Variants in PAX7 observed in about 807,000 individuals in gnomAD.
PAX7 encodes paired box protein Pax-7.
In PAX7, 18 loss-of-function variants were observed where a neutral mutation model predicts 50.7. That is an observed-to-expected ratio of 0.36 (90% confidence interval 0.25 to 0.53). The LOEUF (loss-of-function observed/expected upper bound fraction) is 0.53, where lower values mean the gene tolerates loss of function less well. Ranked by LOEUF, PAX7 falls within the 20% of genes least tolerant of loss-of-function variation. The pLI, the probability that PAX7 is intolerant of heterozygous loss-of-function variation, is 0.93. For synonymous variants in PAX7, 310 were observed against 290.4 expected (o/e 1.07, Z -0.69); for missense variants, 644 against 702.9 (o/e 0.92, Z 0.95).
chr1:18,691,171 T>G lies in PAX7; in HGVS notation c.587-583T>G, dbSNP rs147246187. 2.4e-3 allele frequency among the ~76,000 whole-genome samples: 366 copies of G among 152,280 alleles called. 3 individuals are homozygous for G. The South Asian group carries it at 0.03, about 12-fold the overall frequency. On this transcript the variant is annotated intron_variant, in intron 4 of 8. Coordinates refer to ENST00000420770, the MANE Select transcript of PAX7 (RefSeq NM_001135254.2). ...TTTCTTACTTTTTTCTGGAGGTTGGTTCTTACTGTGTTGTCCAGGCTGGTC... is the reference window on the plus strand; with the variant it reads ...TTTCTTACTTTTTTCTGGAGGTTGGGTCTTACTGTGTTGTCCAGGCTGGTC...
chr1:18,708,284 C>T (rs542216060), intron 7 of PAX7, among the ~76,000 whole-genome samples: 2 of 152,078 alleles, frequency 1.3e-5, no homozygotes, highest in South Asian at 2.1e-4. Context: ...GGTGGGGTGC[C>T]GTGGCTCACA....
At chr1:18,681,571 C>T (rs1447781908) in intron 4 of PAX7, among the ~76,000 whole-genome samples, 1 of 152,130 alleles carries the variant, frequency 6.6e-6, no homozygotes, top group African/African-American at 2.4e-5. Context: ...ATACACAGTG[C>T]CCTCTAGTGT....
chr1:18,740,932 G>T (rs1931096299), intron 8 of PAX7, among the ~76,000 whole-genome samples: 1 of 152,162 alleles, frequency 6.6e-6, no homozygotes, highest in African/African-American at 2.4e-5. Flanking sequence ...ATATATGGGA[G>T]CTAAGAAGGT....
chr1:18,719,695 G>A (rs987287808), intron 7 of PAX7, among the ~76,000 whole-genome samples: 15 of 152,192 alleles, frequency 9.9e-5, no homozygotes, highest in African/African-American at 1.9e-4. Flanking sequence ...GACCTCTGCT[G>A]GCCCTGGAAC....
chr1:18,655,308 G>A (rs967211209), intron 4 of PAX7, among the ~76,000 whole-genome samples: 13 of 152,164 alleles, frequency 8.5e-5, no homozygotes, highest in Non-Finnish European at 1.6e-4. Flanking sequence ...CGTCCCCTCC[G>A]TAGATGAAGC....
intron 4 of PAX7, among the ~76,000 whole-genome samples, chr1:18,658,412 G>T (rs1048376367): frequency 2.0e-5 from 3 of 152,162 alleles, no homozygotes; most frequent in Non-Finnish European, 2.9e-5. Flanking sequence ...CCCCGTTTCC[G>T]AACACTTACT....
At chr1:18,641,841 C>G (rs189892930) in intron 4 of PAX7, among the ~76,000 whole-genome samples, 1 of 152,104 alleles carries the variant, frequency 6.6e-6, no homozygotes, top group South Asian at 2.1e-4. Flanking sequence ...GCGCTGCTCT[C>G]GGAGCTATTT....
intron 4 of PAX7, among the ~76,000 whole-genome samples, chr1:18,663,718 A>G (rs2236836): frequency 0.59 from 90,037 of 152,154 alleles, 27,790 homozygotes; most frequent in African/African-American, 0.76. Context: ...CTGACTCTCA[A>G]TCCTCTAGGA....
chr1:18,679,215 C>T (rs2088864028), intron 4 of PAX7, among the ~76,000 whole-genome samples: 1 of 152,160 alleles, frequency 6.6e-6, no homozygotes, highest in South Asian at 2.1e-4. Context: ...CATGGCTGAG[C>T]CCGGAAGCAG....
chr1:18,644,429 T>G (rs1215129420), intron 4 of PAX7, among the ~76,000 whole-genome samples: 1 of 152,192 alleles, frequency 6.6e-6, no homozygotes, highest in African/African-American at 2.4e-5. Flanking sequence ...TGTTATCCTT[T>G]TAGGGGATCC....
Position 18,746,305 on chromosome 1 carries a change from C to G in PAX7, c.*1376C>G. On this transcript the variant is annotated 3_prime_UTR_variant, in exon 9 of 9. Transcript: ENST00000420770. The stretch of plus-strand genomic sequence containing the variant: ...GTGACCAGTTTTCAAGCTACCAGCC[C>G]TGGGCAGAGGAAGATGTCAACAATT... 1 of 230,212 alleles carries G rather than the reference C, an allele frequency of 4.3e-6. No homozygotes were observed. Among genetic ancestry groups the G allele is most frequent in the Admixed American group, 5.7e-5 (1 of 17,686 alleles). The allele number at this position is 230,212 out of a possible 1,614,324, so 14.3% of individuals were successfully genotyped here. A position where few individuals can be genotyped will look rare whatever the true frequency, so the allele number is the denominator to read the frequency against.
At position 18,650,946 on chromosome 1, in the gene PAX7, C is replaced by T. The variant is rs567319369; in HGVS notation, c.586+14575C>T. On this transcript the variant is annotated intron_variant, in intron 4 of 8. Transcript: ENST00000420770. ...TGCTTTGTCCTACTGTCCCCAACTC[C>T]TGCTTGTGCCATGGATGGTCTCCCA... 2.0e-5 allele frequency among the ~76,000 whole-genome samples: 3 copies of T among 152,278 alleles called. No individual in the cohort carries two copies. In the South Asian group the frequency reaches 6.2e-4, roughly 32 times the overall value.
At chr1:18,691,642 C>A in intron 4 of PAX7, 112 bp from the exon 5 acceptor site, 1 of 820,850 alleles carries the variant, frequency 1.2e-6, no homozygotes, top group Non-Finnish European at 2.0e-6. Flanking sequence ...GATCGAAGTG[C>A]AGTCATGGGT....
At chr1:18,635,086 T>C (rs540805473) in intron 2 of PAX7, 25 bp from the exon 3 acceptor site, 1 of 1,612,110 alleles carries the variant, frequency 6.2e-7, no homozygotes, top group East Asian at 2.2e-5. Flanking sequence ...TTTCCACTCC[T>C]ACTCTCCCAC....
At position 18,745,290 on chromosome 1, in the gene PAX7, T is replaced by C; in HGVS notation, c.*361T>C. ...GAGGATGGTGCCTGAGAGGAGGTCC[T>C]ACAGCCCTTTGGACCCAACTCCAGT... On this transcript the variant is annotated 3_prime_UTR_variant, in exon 9 of 9. Transcript: ENST00000420770. The C allele has an allele frequency of 3.2e-6, 1 of 310,134 alleles. No individual in the cohort carries two copies. Among genetic ancestry groups the C allele is most frequent in the East Asian group, 5.1e-5 (1 of 19,518 alleles). 19.2% of individuals were successfully genotyped at this position (310,134 alleles called of 1,614,324 possible). A position where few individuals can be genotyped will look rare whatever the true frequency, so the allele number is the denominator to read the frequency against.
chr1:18,664,159 G>T (rs1364100621), intron 4 of PAX7, among the ~76,000 whole-genome samples: 1 of 152,266 alleles, frequency 6.6e-6, no homozygotes, highest in Non-Finnish European at 1.5e-5. Flanking sequence ...GAAGCATCCA[G>T]TCTGACCCTC....
At chr1:18,643,725 G>A (rs1256579405) in intron 4 of PAX7, among the ~76,000 whole-genome samples, 2 of 152,228 alleles carry the variant, frequency 1.3e-5, no homozygotes, top group Admixed American at 1.3e-4. Context: ...TATCAGAAGC[G>A]CTTTCGGTGA....
chr1:18,669,284 A>C (rs907746958), intron 4 of PAX7, among the ~76,000 whole-genome samples: 1 of 152,210 alleles, frequency 6.6e-6, no homozygotes, highest in Non-Finnish European at 1.5e-5. Context: ...CTGGTTCCAC[A>C]TAGCAGGGGA....
intron 4 of PAX7, among the ~76,000 whole-genome samples, chr1:18,689,210 T>C (rs1174516859): frequency 6.6e-6 from 1 of 152,250 alleles, no homozygotes; most frequent in Non-Finnish European, 1.5e-5. Context: ...TGCTTCCTTC[T>C]TCTGAAGCCC....
Sources: gnomAD v4.1 joint callset for allele counts (sites outside exome capture counted in the v4.1 genomes callset) on GRCh38, gnomAD v4.1.1 for gene constraint, MANE v1.5 for transcripts, NCBI Gene and HGNC (gene_info 2026-07-23, HGNC 2026-07-21) for gene names.